Variants in PHYHIPL observed in about 807,000 individuals in gnomAD.
PHYHIPL encodes phytanoyl-CoA 2-hydroxylase interacting protein like, also known as phytanoyl-CoA hydroxylase-interacting protein-like.
Under a neutral mutation model 33.4 loss-of-function variants are expected in PHYHIPL, and 9 were observed. The observed-to-expected ratio is 0.27, with a 90% CI of 0.16 to 0.47. The LOEUF (loss-of-function observed/expected upper bound fraction) is 0.47, where lower values mean the gene tolerates loss of function less well. Among genes scored for constraint, PHYHIPL ranks in the 20% least tolerant of loss-of-function variants. The pLI is 0.99. For missense variants in PHYHIPL, 365 were observed against 460.7 expected, an observed-to-expected ratio of 0.79 and a Z score of 1.90; for synonymous variants, 153 against 154.1, an observed-to-expected ratio of 0.99 and a Z score of 0.05.
chr10:59,196,944 C>T (rs997649925), intron 1 of PHYHIPL, among the ~76,000 whole-genome samples: 1 of 152,138 alleles, frequency 6.6e-6, no homozygotes, highest in African/African-American at 2.4e-5. Flanking sequence ...TTGTATATAG[C>T]AATTTAGATG....
intron 1 of PHYHIPL, among the ~76,000 whole-genome samples, chr10:59,182,141 C>T (rs1838428462): frequency 2.0e-5 from 3 of 152,152 alleles, no homozygotes; most frequent in Admixed American, 2.0e-4. Flanking sequence ...AGCATAAATC[C>T]TTCTACTTTC....
At chr10:59,239,275 G>T (rs758891345) in intron 4 of PHYHIPL, among the ~76,000 whole-genome samples, 1 of 152,050 alleles carries the variant, frequency 6.6e-6, no homozygotes, top group Non-Finnish European at 1.5e-5. Context: ...TCACAATCAT[G>T]GTGGAAGGCA....
chr10:59,183,573 G>A (rs1838473697), intron 1 of PHYHIPL: 1 of 739,576 alleles, frequency 1.4e-6, no homozygotes. Flanking sequence ...AGGGAAAGGG[G>A]TGGTCACATC....
intron 1 of PHYHIPL, chr10:59,177,609 T>G: frequency 6.4e-7 from 1 of 1,551,684 alleles, no homozygotes; most frequent in South Asian, 1.2e-5. Flanking sequence ...TGATTCAGAC[T>G]TTGTGGCGAG....
chr10:59,194,184 C>T (rs1838851725), intron 1 of PHYHIPL, among the ~76,000 whole-genome samples: 1 of 149,600 alleles, frequency 6.7e-6, no homozygotes, highest in Non-Finnish European at 1.5e-5. Context: ...CAAGTTCAAG[C>T]AATTCTCCTG....
chr10:59,192,267 G>A (rs892456161), intron 1 of PHYHIPL, among the ~76,000 whole-genome samples: 1 of 152,094 alleles, frequency 6.6e-6, no homozygotes, highest in African/African-American at 2.4e-5. Flanking sequence ...GATAATGTTT[G>A]ATACACTTCT....
At chr10:59,215,401 T>A (rs1210878380) in intron 1 of PHYHIPL, among the ~76,000 whole-genome samples, 1 of 152,040 alleles carries the variant, frequency 6.6e-6, no homozygotes, top group Non-Finnish European at 1.5e-5. Context: ...AAATTTATTT[T>A]ACCAGATCTT....
chr10:59,212,684 G>T (rs1182374384), intron 1 of PHYHIPL, among the ~76,000 whole-genome samples: 3 of 152,208 alleles, frequency 2.0e-5, no homozygotes, highest in Non-Finnish European at 4.4e-5. Context: ...GTTTGGGGAA[G>T]AGAGTGGTGG....
Position 59,185,651 on chromosome 10 carries a change from G to A in PHYHIPL, c.106+8692G>A, listed in dbSNP as rs1261752310. 2.6e-5 allele frequency among the ~76,000 whole-genome samples: 4 copies of A among 152,062 alleles called. No individual in the cohort carries two copies. In the East Asian group the frequency reaches 5.8e-4, roughly 22 times the overall value. On this transcript the variant is annotated intron_variant, in intron 1 of 4. Transcript: ENST00000373880. ...GTTGTTTCCTGACCTTTTAATGATC[G>A]CCATTCTAACTGGTGTGAGATGGTA...
At chr10:59,234,883 A>T (rs1840179347) in intron 2 of PHYHIPL, among the ~76,000 whole-genome samples, 1 of 151,834 alleles carries the variant, frequency 6.6e-6, no homozygotes, top group Non-Finnish European at 1.5e-5. Flanking sequence ...GGAAGTCCTG[A>T]TGGGAGGGGT....
intron 4 of PHYHIPL, among the ~76,000 whole-genome samples, chr10:59,239,047 T>A (rs1840313386): frequency 6.6e-6 from 1 of 151,928 alleles, no homozygotes; most frequent in Admixed American, 6.6e-5. Context: ...TTTTCATGGG[T>A]CTTTTTAAGA....
At chr10:59,214,606 C>T (rs1839557607) in intron 1 of PHYHIPL, among the ~76,000 whole-genome samples, 1 of 151,936 alleles carries the variant, frequency 6.6e-6, no homozygotes, top group South Asian at 2.1e-4. Context: ...CATTCCTGCT[C>T]CGTTTGAGAA....
intron 3 of PHYHIPL, among the ~76,000 whole-genome samples, chr10:59,238,183 CATTATT>C (rs901687062): frequency 6.6e-6 from 1 of 151,918 alleles, no homozygotes; most frequent in African/African-American, 2.4e-5. Flanking sequence ...CTTATGTACT[CATTATT>C]ATTTTTGCTG....
At position 59,179,842 on chromosome 10, in the gene PHYHIPL, TACACACACAC is replaced by T. The variant is rs147836305; in HGVS notation, c.106+2918_106+2927del. 3.5e-3 allele frequency among the ~76,000 whole-genome samples: 466 copies of T among 134,864 alleles called. 1 individual carries two copies. Among genetic ancestry groups the T allele is most frequent in the African/African-American group, 8.4e-3 (300 of 35,830 alleles). The allele number at this position is 134,864 out of a possible 152,430, so 88.5% of individuals were successfully genotyped here. A position where few individuals can be genotyped will look rare whatever the true frequency, so the allele number is the denominator to read the frequency against. On this transcript the variant is annotated intron_variant, in intron 1 of 4. Coordinates refer to ENST00000373880, the MANE Select transcript of PHYHIPL (RefSeq NM_032439.4). The stretch of plus-strand genomic sequence containing the variant: ...TGGCTTTTCAATTAAGCAAGACAGT[TACACACACAC>T]ACACACACACACACACACACACACA...
intron 4 of PHYHIPL, among the ~76,000 whole-genome samples, chr10:59,243,668 G>A (rs1489425399): frequency 6.6e-6 from 1 of 152,090 alleles, no homozygotes; most frequent in Non-Finnish European, 1.5e-5. Context: ...AACTCTTTAA[G>A]AAGCATGTTG....
At chr10:59,244,957 C>A in intron 4 of PHYHIPL, 100 bp from the exon 5 acceptor site, 2 of 1,228,156 alleles carry the variant, frequency 1.6e-6, no homozygotes, top group Non-Finnish European at 2.2e-6. Context: ...GGTATTCAGG[C>A]CTTTAACAGT....
chr10:59,195,059 A>G (rs994920024), intron 1 of PHYHIPL, among the ~76,000 whole-genome samples: 3 of 152,182 alleles, frequency 2.0e-5, no homozygotes, highest in Admixed American at 6.6e-5. Context: ...AAGAAAACAG[A>G]AAGGGGGAAA....
At chr10:59,184,424 C>A (rs1206664072) in intron 1 of PHYHIPL, among the ~76,000 whole-genome samples, 2 of 152,042 alleles carry the variant, frequency 1.3e-5, no homozygotes, top group Non-Finnish European at 2.9e-5. Flanking sequence ...AAAAATATTG[C>A]AAAGAGAGTT....
intron 4 of PHYHIPL, among the ~76,000 whole-genome samples, chr10:59,244,562 C>CAAAAAAAAAAAAAAAAAA (rs71006239): frequency 1.0e-4 from 4 of 39,556 alleles, no homozygotes; most frequent in Non-Finnish European, 1.9e-4. Flanking sequence ...GACTCTGTCT[C>CAAAAAAAAAAAAAAAAAA]AAAAAAAAAA....
Sources: gnomAD v4.1 joint callset for allele counts (sites outside exome capture counted in the v4.1 genomes callset) on GRCh38, gnomAD v4.1.1 for gene constraint, MANE v1.5 for transcripts, NCBI Gene and HGNC (gene_info 2026-07-23, HGNC 2026-07-21) for gene names.